Variants in CAPN8 observed in about 807,000 individuals in gnomAD.
The protein encoded by CAPN8 is calpain 8.
Under a neutral mutation model 80.9 loss-of-function variants are expected in CAPN8, and 87 were observed. The ratio of observed to expected loss-of-function variants is 1.07; its 90% confidence interval spans 0.90 to 1.28. CAPN8 has a LOEUF of 1.28. Ranked by LOEUF, CAPN8 falls within the 50% of genes most tolerant of loss-of-function variation. The pLI, the probability that CAPN8 is intolerant of heterozygous loss-of-function variation, is 0.00. For synonymous variants in CAPN8, 299 were observed against 273.8 expected (o/e 1.09, Z -0.91); for missense variants, 757 against 702.0 (o/e 1.08, Z -0.89).
chr1:223,620,108 A>G (rs1461268478), intron 8 of CAPN8, 84 bp downstream of exon 8: 21 of 1,161,252 alleles, frequency 1.8e-5, no homozygotes, highest in East Asian at 1.8e-4. Flanking sequence ...CCTTCCTGGA[A>G]GACCCAGAGA....
chr1:223,548,254 C>G (rs1656681735), intron 16 of CAPN8, among the ~76,000 whole-genome samples: 1 of 152,142 alleles, frequency 6.6e-6, no homozygotes, highest in South Asian at 2.1e-4. Flanking sequence ...CCTTCACCAT[C>G]AGCACTGTGA....
chr1:223,615,987 C>G lies in CAPN8; in HGVS notation c.1294G>C (p.Gly432Arg). Residue 432 changes from glycine (G) to arginine (R), a missense_variant, in exon 10 of 21, where the codon GGC becomes CGC. By Grantham distance (125) the Gly-to-Arg change is moderately radical. Coordinates refer to ENST00000366872, the MANE Select transcript of CAPN8 (RefSeq NM_001143962.2). ...AGCAGTACCTGGTAGACGGCATAGCCGATGCTAAGCATGCCTTGTCCTATC... is the reference window on the plus strand; with the variant it reads ...AGCAGTACCTGGTAGACGGCATAGCGGATGCTAAGCATGCCTTGTCCTATC... ...KRIGQGMLSI[G>R]YAVYQVPKEL... 1 of 1,552,238 alleles carries G rather than the reference C, an allele frequency of 6.4e-7. No individual in the cohort carries two copies. The highest frequency in any genetic ancestry group is 1.2e-5 in the South Asian group (1 of 84,064).
chr1:223,548,297 C>T (rs181811549), intron 16 of CAPN8, among the ~76,000 whole-genome samples: 76 of 152,336 alleles, frequency 5.0e-4, no homozygotes, highest in African/African-American at 1.7e-3. Context: ...GTGGGCAAAG[C>T]TCTAAGGAAG....
intron 2 of CAPN8, 50 bp from the exon 3 acceptor site, chr1:223,628,830 G>A (rs1251537014): frequency 1.3e-5 from 18 of 1,439,796 alleles, no homozygotes; most frequent in Admixed American, 2.0e-5. Flanking sequence ...GCCTGCAGGG[G>A]CCCTGCTTTC....
At chr1:223,649,510 C>T (rs917218084) in intron 2 of CAPN8, among the ~76,000 whole-genome samples, 3 of 152,168 alleles carry the variant, frequency 2.0e-5, no homozygotes, top group Non-Finnish European at 4.4e-5. Context: ...TCAGCACCTC[C>T]AACCCCCTTA....
chr1:223,628,689 C>G lies in CAPN8; in HGVS notation c.399G>C (p.Glu133Asp), dbSNP rs1421192051. 1.3e-6 allele frequency: 2 copies of G among 1,551,726 alleles called. No homozygotes were observed. The highest frequency in any genetic ancestry group is 1.7e-6 in the Non-Finnish European group (2 of 1,146,956). Reference protein sequence around the residue: ...RVVPRDQDFQENYAGIFHFQF... With the variant: ...RVVPRDQDFQDNYAGIFHFQF... ...GAAAGTGAAAGATTCCCGCATAGTT[C>G]TCCTGGAAGTCCTGGTCCCTGGGGA... is the stretch of plus-strand genomic sequence containing the variant. Residue 133 changes from glutamate to aspartate, a missense_variant, in exon 3 of 21, where the codon GAG becomes GAC. Coordinates refer to ENST00000366872, the MANE Select transcript of CAPN8 (RefSeq NM_001143962.2).
At position 223,616,133 on chromosome 1, in the gene CAPN8, G is replaced by A. The variant is rs1657176408; in HGVS notation, c.1148C>T (p.Thr383Ile). 6.5e-7 allele frequency: 1 copy of A among 1,548,652 alleles called. No individual in the cohort carries two copies. The highest frequency in any genetic ancestry group is 8.7e-7 in the Non-Finnish European group (1 of 1,144,522). ...CAAACGGATTTTGAACTGGGGATTGGTCCAGTACGTGGCTGGAAGTCACCC... is the reference window on the plus strand; with the variant it reads ...CAAACGGATTTTGAACTGGGGATTGATCCAGTACGTGGCTGGAAGTCACCC... ...GCQNYPATYW[T>I]NPQFKIRLDE... The change falls in exon 10 of 21, where the codon ACC becomes ATC. Residue 383 changes from threonine to isoleucine, a missense_variant. Transcript: ENST00000366872.
intron 1 of CAPN8, among the ~76,000 whole-genome samples, chr1:223,655,202 G>A (rs919932295): frequency 2.0e-5 from 3 of 152,228 alleles, no homozygotes; most frequent in Non-Finnish European, 4.4e-5. Context: ...ACTCGTTAAA[G>A]TCTTGACTAA....
intron 1 of CAPN8, among the ~76,000 whole-genome samples, chr1:223,654,618 G>A (rs1477542911): frequency 6.6e-6 from 1 of 152,124 alleles, no homozygotes; most frequent in Non-Finnish European, 1.5e-5. Context: ...AGAAGCTGGA[G>A]TCCAGAGCCC....
chr1:223,552,513 G>A (rs984094330), intron 14 of CAPN8, among the ~76,000 whole-genome samples: 13 of 144,720 alleles, frequency 9.0e-5, no homozygotes, highest in East Asian at 2.0e-4. Flanking sequence ...GCAGTGAGCC[G>A]TGCACCACTG....
chr1:223,543,935 G>A, intron 19 of CAPN8, 132 bp downstream of exon 19: 1 of 618,886 alleles, frequency 1.6e-6, no homozygotes, highest in Admixed American at 2.5e-5. Flanking sequence ...CAGCATTCCA[G>A]AAGCCCTGTC....
At chr1:223,637,296 T>C (rs1300224999) in intron 2 of CAPN8, among the ~76,000 whole-genome samples, 1 of 152,148 alleles carries the variant, frequency 6.6e-6, no homozygotes, top group African/African-American at 2.4e-5. Context: ...GCACTATCTG[T>C]AGCCACACTC....
At position 223,612,245 on chromosome 1, in the gene CAPN8, C is replaced by G. The variant is rs1380372784; in HGVS notation, c.1323+1G>C. 2 of 1,234,192 alleles carry G rather than the reference C, an allele frequency of 1.6e-6. No homozygotes were observed. Among genetic ancestry groups the G allele is most frequent in the Non-Finnish European group, 2.0e-6 (2 of 988,128 alleles). 76.5% of individuals were successfully genotyped at this position (1,234,192 alleles called of 1,614,324 possible). On this transcript the variant is annotated splice_donor_variant, in intron 11 of 20. Transcript: ENST00000366872. LOFTEE classifies it high-confidence loss of function. ...AGGAATCTCTGTCAGCACTCACATACCTCCTTGGGAACCTGTGGGGCAGAA... is the reference window on the plus strand; with the variant it reads ...AGGAATCTCTGTCAGCACTCACATAGCTCCTTGGGAACCTGTGGGGCAGAA...
At chr1:223,556,123 G>C (rs1313376164) in intron 13 of CAPN8, among the ~76,000 whole-genome samples, 1 of 152,174 alleles carries the variant, frequency 6.6e-6, no homozygotes, top group South Asian at 2.1e-4. Flanking sequence ...GAGTGTGTTT[G>C]TTCACCCTGT....
Position 223,551,089 on chromosome 1 carries a change from G to A in CAPN8, c.1642-72C>T, listed in dbSNP as rs191740360. On this transcript the variant is annotated intron_variant, in intron 14 of 20. Coordinates refer to ENST00000366872, the MANE Select transcript of CAPN8 (RefSeq NM_001143962.2). ...TGTTTCAAGACAGTAAATTAATGCA[G>A]TGCTTCCTCACAGTCAGACACCAGG... is the stretch of plus-strand genomic sequence containing the variant. The A allele has an allele frequency of 1.1e-3, 771 of 700,898 alleles. 4 individuals carry two copies. In the African/African-American group the frequency reaches 0.011, roughly 10 times the overall value. 43.4% of individuals were successfully genotyped at this position (700,898 alleles called of 1,614,324 possible).
intron 2 of CAPN8, among the ~76,000 whole-genome samples, chr1:223,641,985 C>T (rs747467332): frequency 5.3e-5 from 8 of 152,206 alleles, no homozygotes; most frequent in Admixed American, 1.3e-4. Context: ...CATTCAACAC[C>T]GTGGGCCCAC....
chr1:223,548,726 C>G (rs920430615), intron 16 of CAPN8, among the ~76,000 whole-genome samples: 10 of 152,146 alleles, frequency 6.6e-5, no homozygotes, highest in African/African-American at 1.7e-4. Flanking sequence ...TATAAGCCAC[C>G]CAGTTTATGG....
intron 2 of CAPN8, among the ~76,000 whole-genome samples, chr1:223,643,225 C>T (rs568104603): frequency 2.8e-4 from 43 of 152,332 alleles, no homozygotes; most frequent in African/African-American, 9.9e-4. Context: ...GGCACATCAC[C>T]GTTATTGCTA....
intron 2 of CAPN8, among the ~76,000 whole-genome samples, chr1:223,647,243 T>G (rs990715636): frequency 6.6e-6 from 1 of 152,138 alleles, no homozygotes; most frequent in African/African-American, 2.4e-5. Context: ...GATAGAAAAG[T>G]AGAATCTTGG....
Sources: allele counts gnomAD v4.1 joint callset (sites outside exome capture counted in the v4.1 genomes callset), GRCh38; gene constraint gnomAD v4.1.1; transcripts MANE v1.5; gene names NCBI Gene and HGNC (gene_info 2026-07-23, HGNC 2026-07-21).